Variants in AXDND1 observed in about 807,000 individuals in gnomAD.
AXDND1 encodes axonemal dynein light chain domain containing 1.
In AXDND1, 110 loss-of-function variants were observed where a neutral mutation model predicts 137.5. The observed-to-expected ratio is 0.80, with a 90% confidence interval of 0.69 to 0.94. The LOEUF (loss-of-function observed/expected upper bound fraction) is 0.94, where lower values mean the gene tolerates loss of function less well. Ranked by LOEUF, AXDND1 falls within the 40% of genes least tolerant of loss-of-function variation. AXDND1 has a pLI of 0.00. For missense variants in AXDND1, 1,191 were observed against 1,169.8 expected, an observed-to-expected ratio of 1.02 and a Z score of -0.26; for synonymous variants, 414 against 399.7, an observed-to-expected ratio of 1.04 and a Z score of -0.43.
At chr1:179,527,581 C>T (rs932796722) in intron 22 of AXDND1, among the ~76,000 whole-genome samples, 1 of 152,138 alleles carries the variant, frequency 6.6e-6, no homozygotes, top group Admixed American at 6.5e-5. Flanking sequence ...ACAAGCTGAT[C>T]ACCAGCCTTT....
intron 20 of AXDND1, among the ~76,000 whole-genome samples, chr1:179,497,903 C>T (rs115835882): frequency 0.03 from 4,582 of 152,088 alleles, 254 homozygotes; most frequent in African/African-American, 0.1. Context: ...TACAATTCCA[C>T]TTACAATAGC....
At chr1:179,505,572 C>T (rs573748569) in intron 20 of AXDND1, among the ~76,000 whole-genome samples, 13 of 150,922 alleles carry the variant, frequency 8.6e-5, no homozygotes, top group African/African-American at 9.8e-5. Flanking sequence ...CCCTTGAACC[C>T]GGGAGGTAGA....
At chr1:179,444,285 AG>A (rs1207559087) in intron 15 of AXDND1, among the ~76,000 whole-genome samples, 1 of 152,074 alleles carries the variant, frequency 6.6e-6, no homozygotes, top group East Asian at 1.9e-4. Flanking sequence ...ATCGAAGCCT[AG>A]GATGTTAAGT....
intron 15 of AXDND1, 80 bp downstream of exon 15, chr1:179,432,422 T>A: frequency 7.3e-7 from 1 of 1,366,658 alleles, no homozygotes; most frequent in Non-Finnish European, 9.4e-7. Flanking sequence ...CTGAGGCACA[T>A]CCCATCCTTT....
chr1:179,454,145 C>G (rs982508721), intron 16 of AXDND1: 2 of 152,152 alleles, frequency 1.3e-5, no homozygotes, highest in African/African-American at 4.8e-5. Context: ...TGGCTGTGTC[C>G]CCACCCAGAT....
At chr1:179,503,534 T>G (rs1210136042) in intron 20 of AXDND1, among the ~76,000 whole-genome samples, 1 of 151,888 alleles carries the variant, frequency 6.6e-6, no homozygotes, top group Non-Finnish European at 1.5e-5. Flanking sequence ...CAGACTTTTT[T>G]TTAATTTTTA....
intron 17 of AXDND1, among the ~76,000 whole-genome samples, chr1:179,469,760 C>T (rs1663690667): frequency 6.6e-6 from 1 of 152,186 alleles, no homozygotes. Context: ...TTTTGATTCA[C>T]ATTTCCCTAA....
intron 20 of AXDND1, among the ~76,000 whole-genome samples, chr1:179,505,050 C>A (rs1156420291): frequency 6.6e-6 from 1 of 152,184 alleles, no homozygotes; most frequent in Non-Finnish European, 1.5e-5. Context: ...ATTTCAAATT[C>A]ATCACCATCC....
chr1:179,458,164 G>A (rs1201718910), intron 16 of AXDND1, among the ~76,000 whole-genome samples: 2 of 151,672 alleles, frequency 1.3e-5, no homozygotes, highest in African/African-American at 4.8e-5. Flanking sequence ...TAATTTTTTT[G>A]TAGAGATTGG....
intron 4 of AXDND1, among the ~76,000 whole-genome samples, chr1:179,376,146 T>C (rs1432009098): frequency 6.6e-6 from 1 of 152,190 alleles, no homozygotes; most frequent in Non-Finnish European, 1.5e-5. Context: ...AAGCCCAACA[T>C]GTTAAGCATG....
chr1:179,390,840 C>T (rs933537030), intron 9 of AXDND1, among the ~76,000 whole-genome samples: 2 of 151,772 alleles, frequency 1.3e-5, no homozygotes, highest in Admixed American at 1.3e-4. Flanking sequence ...GAGTTTCGAT[C>T]TTGTTGCCCA....
intron 11 of AXDND1, among the ~76,000 whole-genome samples, chr1:179,399,731 A>G (rs1042912866): frequency 2.0e-5 from 3 of 152,138 alleles, no homozygotes; most frequent in Non-Finnish European, 4.4e-5. Flanking sequence ...AATCGGTAAG[A>G]AAAAACAAAC....
chr1:179,418,253 C>G (rs1370399811), intron 12 of AXDND1, among the ~76,000 whole-genome samples: 1 of 152,114 alleles, frequency 6.6e-6, no homozygotes, highest in Non-Finnish European at 1.5e-5. Flanking sequence ...CACCCTTAAT[C>G]CATTTAACCC....
chr1:179,433,719 T>G (rs1296165096), intron 15 of AXDND1, among the ~76,000 whole-genome samples: 1 of 152,206 alleles, frequency 6.6e-6, no homozygotes, highest in Non-Finnish European at 1.5e-5. Context: ...TGCACTGTGG[T>G]CTGGGAGATT....
chr1:179,425,939 C>T (rs907519378), intron 12 of AXDND1, among the ~76,000 whole-genome samples: 17 of 150,924 alleles, frequency 1.1e-4, no homozygotes, highest in Non-Finnish European at 1.8e-4. Flanking sequence ...CGGGTTCAAG[C>T]GATTCTCCTG....
intron 20 of AXDND1, among the ~76,000 whole-genome samples, chr1:179,500,035 G>T (rs1667836204): frequency 6.6e-6 from 1 of 151,910 alleles, no homozygotes; most frequent in Non-Finnish European, 1.5e-5. Flanking sequence ...ACTCTTTCAG[G>T]GTCTAAAGAA....
At chr1:179,455,607 A>AT (rs1430027152) in intron 16 of AXDND1, 7 of 152,118 alleles carry the variant, frequency 4.6e-5, no homozygotes, top group Admixed American at 2.6e-4. Context: ...AAAAAAAAAA[A>AT]AAAAAAATTA....
Position 179,551,367 on chromosome 1 carries a change from G to C in AXDND1, c.3032-3145G>C, listed in dbSNP as rs1321315084. ...TGAAGGGTGTGGAGGTATCGAAGCT[G>C]AACGGCAGCAGGGGTGCCTGACAGA... On this transcript the variant is annotated intron_variant, in intron 25 of 25. Transcript: ENST00000367618. 1.2e-6 allele frequency: 2 copies of C among 1,614,036 alleles called. No homozygotes were observed. The highest frequency in any genetic ancestry group is 2.7e-5 in the African/African-American group (2 of 74,928).
At chr1:179,448,006 T>C (rs973918399) in intron 16 of AXDND1, 41 of 1,408,622 alleles carry the variant, frequency 2.9e-5, no homozygotes, top group Non-Finnish European at 3.9e-5. Context: ...GGACAAAGCA[T>C]TGGGGCTTTT....
Sources: gnomAD v4.1 joint callset for allele counts (sites outside exome capture counted in the v4.1 genomes callset) on GRCh38, gnomAD v4.1.1 for gene constraint, MANE v1.5 for transcripts, NCBI Gene and HGNC (gene_info 2026-07-23, HGNC 2026-07-21) for gene names.